The following SYNPR variants were observed in gnomAD, a reference collection of about 807,000 sequenced individuals.
The protein encoded by SYNPR is synaptoporin.
Under a neutral mutation model 32.9 loss-of-function variants are expected in SYNPR, and 23 were observed. That is an observed-to-expected ratio of 0.70 (90% CI 0.50 to 0.99). SYNPR has a LOEUF of 0.99. Ranked by LOEUF, SYNPR falls within the 50% of genes least tolerant of loss-of-function variation. The pLI, the probability that SYNPR is intolerant of heterozygous loss-of-function variation, is 0.00. For missense variants in SYNPR, 318 were observed against 349.3 expected (o/e 0.91, Z 0.71); for synonymous variants, 146 against 135.9 (o/e 1.07, Z -0.52).
At chr3:63,278,599 G>C (rs758080380) in intron 1 of SYNPR, 48 bp downstream of exon 1, 1 of 1,550,672 alleles carries the variant, frequency 6.4e-7, no homozygotes, top group Non-Finnish European at 8.7e-7. Context: ...GGGGGCGGGG[G>C]ATGCCGCGGC....
chr3:63,369,030 C>A lies in SYNPR; in HGVS notation c.84+90288C>A, dbSNP rs1334831829. On this transcript the variant is annotated intron_variant, in intron 2 of 5. Transcript: ENST00000478300. ...AAAATTCACAATTTGATGTCTTAAC[C>A]CCCAATATCTCAGAATGTCACTGTA... 5.3e-5 allele frequency among the ~76,000 whole-genome samples: 8 copies of A among 152,112 alleles called. No individual in the cohort carries two copies. In the East Asian group the frequency reaches 1.5e-3, roughly 29 times the overall value.
chr3:63,375,049 G>A (rs1039502089), intron 2 of SYNPR, among the ~76,000 whole-genome samples: 1 of 152,082 alleles, frequency 6.6e-6, no homozygotes, highest in African/African-American at 2.4e-5. Context: ...TTAGAATAGC[G>A]ATCATTAAAA....
chr3:63,406,205 TAA>T (rs112126122), intron 2 of SYNPR, among the ~76,000 whole-genome samples: 7 of 141,348 alleles, frequency 5.0e-5, no homozygotes, highest in Non-Finnish European at 4.7e-5. Flanking sequence ...AATGCAGCTT[TAA>T]AAAAAAAAAA....
chr3:63,485,911 T>C (rs534297771), intron 3 of SYNPR, among the ~76,000 whole-genome samples: 49 of 152,358 alleles, frequency 3.2e-4, no homozygotes, highest in African/African-American at 1.1e-3. Flanking sequence ...CTCATCAAGA[T>C]AAAATTATTG....
intron 3 of SYNPR, among the ~76,000 whole-genome samples, chr3:63,535,630 A>T (rs1485344898): frequency 6.6e-6 from 1 of 152,078 alleles, no homozygotes; most frequent in Non-Finnish European, 1.5e-5. Context: ...AAAACTTTAC[A>T]CTTATAATCA....
chr3:63,363,768 G>C (rs540436044), intron 2 of SYNPR, among the ~76,000 whole-genome samples: 124 of 152,208 alleles, frequency 8.1e-4, no homozygotes, highest in Middle Eastern at 3.4e-3. Flanking sequence ...GTACTGTCTA[G>C]ATACTAAGAA....
At chr3:63,517,597 T>C (rs944993693) in intron 3 of SYNPR, among the ~76,000 whole-genome samples, 2 of 152,210 alleles carry the variant, frequency 1.3e-5, no homozygotes, top group Admixed American at 1.3e-4. Context: ...CCTTTTAGAA[T>C]CATATTCTTG....
chr3:63,334,515 A>AGTGT (rs138498529), intron 2 of SYNPR, among the ~76,000 whole-genome samples: 2,903 of 149,342 alleles, frequency 0.019, 41 homozygotes, highest in African/African-American at 0.044. Context: ...GTCTCAATGA[A>AGTGT]GTGTGTGTGT....
chr3:63,522,637 T>C (rs996750091), intron 3 of SYNPR, among the ~76,000 whole-genome samples: 1 of 152,186 alleles, frequency 6.6e-6, no homozygotes. Context: ...GATTCTAACC[T>C]GCCCTGCTGA....
chr3:63,307,636 A>G (rs893505949), intron 2 of SYNPR, among the ~76,000 whole-genome samples: 1 of 151,948 alleles, frequency 6.6e-6, no homozygotes, highest in Non-Finnish European at 1.5e-5. Flanking sequence ...CCTTTCTGTC[A>G]AATAATCTAT....
intron 2 of SYNPR, among the ~76,000 whole-genome samples, chr3:63,476,311 G>GGAAGGGAAGGAAGGAA (rs1278694274): frequency 1.3e-5 from 1 of 77,712 alleles, no homozygotes; most frequent in Non-Finnish European, 2.7e-5. Flanking sequence ...AGGAAGGGAA[G>GGAAGGGAAGGAAGGAA]GGAGGGAAGC....
chr3:63,290,518 C>T (rs959618760), intron 2 of SYNPR, among the ~76,000 whole-genome samples: 2 of 152,096 alleles, frequency 1.3e-5, no homozygotes, highest in Admixed American at 6.6e-5. Flanking sequence ...TTTTATTTCT[C>T]GAAAACACTC....
the SYNPR span, among the ~76,000 whole-genome samples, chr3:63,207,187 G>C: frequency 1.3e-5 from 2 of 152,188 alleles, no homozygotes; most frequent in African/African-American, 4.8e-5. Context: ...TGATGAATGA[G>C]GTGGGAAGGC....
intron 2 of SYNPR, among the ~76,000 whole-genome samples, chr3:63,298,372 T>G (rs1021868126): frequency 2.0e-5 from 3 of 152,178 alleles, no homozygotes; most frequent in African/African-American, 7.2e-5. Flanking sequence ...ACTTTGAATT[T>G]CCCTGAGAGC....
chr3:63,483,540 T>C (rs1297731341), intron 3 of SYNPR, among the ~76,000 whole-genome samples: 2 of 152,176 alleles, frequency 1.3e-5, no homozygotes, highest in Non-Finnish European at 2.9e-5. Context: ...AGGTCATACA[T>C]TTACTTTTAA....
At chr3:63,362,094 G>A (rs1370334107) in intron 2 of SYNPR, among the ~76,000 whole-genome samples, 1 of 152,074 alleles carries the variant, frequency 6.6e-6, no homozygotes, top group Non-Finnish European at 1.5e-5. Context: ...ACCATTTAAG[G>A]GCTGGTGCAT....
At chr3:63,528,706 A>G (rs1702060159) in intron 3 of SYNPR, among the ~76,000 whole-genome samples, 1 of 152,170 alleles carries the variant, frequency 6.6e-6, no homozygotes, top group South Asian at 2.1e-4. Context: ...ACAACAAGAA[A>G]TCACCTTTGC....
intron 2 of SYNPR, among the ~76,000 whole-genome samples, chr3:63,383,182 GT>G (rs2087994494): frequency 1.3e-5 from 2 of 152,206 alleles, no homozygotes; most frequent in East Asian, 3.9e-4. Flanking sequence ...TTTGTATTCA[GT>G]TTTATTTCAG....
In SYNPR at chr3:63,498,635, G is replaced by T. The variant is rs575082345; in HGVS notation, c.209+17679G>T. ...GATTCTTACAGATGGAACAGCAGGA[G>T]CAAAGGCGGGAAGAGGCCTGGTGTG... On this transcript the variant is annotated intron_variant, in intron 3 of 5. Transcript: ENST00000478300. 2.6e-4 allele frequency among the ~76,000 whole-genome samples: 40 copies of T among 152,256 alleles called. No individual in the cohort carries two copies. The South Asian group carries it at 8.1e-3, about 31-fold the overall frequency.
Sources: gnomAD v4.1 joint callset for allele counts (sites outside exome capture counted in the v4.1 genomes callset) on GRCh38, gnomAD v4.1.1 for gene constraint, MANE v1.5 for transcripts, NCBI Gene and HGNC (gene_info 2026-07-23, HGNC 2026-07-21) for gene names.